Variants in MAEL observed in about 807,000 individuals in gnomAD.
The protein encoded by MAEL is maelstrom spermatogenic transposon silencer.
A neutral mutation model predicts 62.0 loss-of-function variants in MAEL; 46 were observed. The observed-to-expected ratio is 0.74, with a 90% CI of 0.59 to 0.95. The LOEUF (loss-of-function observed/expected upper bound fraction) is 0.95, where lower values mean the gene tolerates loss of function less well. Ranked by LOEUF, MAEL falls within the 40% of genes least tolerant of loss-of-function variation. MAEL has a pLI of 0.00. For missense variants in MAEL, 497 were observed against 526.8 expected (o/e 0.94, Z 0.55); for synonymous variants, 172 against 175.5 (o/e 0.98, Z 0.16).
chr1:167,004,367 CAA>C (rs1664801167), intron 6 of MAEL, 63 bp downstream of exon 6: 2 of 1,468,256 alleles, frequency 1.4e-6, no homozygotes, highest in Non-Finnish European at 1.8e-6. Flanking sequence ...ATCCATAAAA[CAA>C]AGAATTTTTG....
intron 9 of MAEL, among the ~76,000 whole-genome samples, chr1:167,017,309 C>T (rs72689338): frequency 0.011 from 1,739 of 152,194 alleles, 19 homozygotes; most frequent in Non-Finnish European, 0.017. Context: ...TTTTGTACAT[C>T]ATATTACTTT....
chr1:167,016,124 C>A (rs562153267), intron 8 of MAEL, 98 bp from the exon 9 acceptor site: 66 of 1,061,800 alleles, frequency 6.2e-5, no homozygotes, highest in Middle Eastern at 5.0e-4. Context: ...CTTCAAGTAA[C>A]CTCATTTTTT....
intron 10 of MAEL, among the ~76,000 whole-genome samples, chr1:167,020,865 T>TA (rs113141427): frequency 2.0e-5 from 3 of 150,574 alleles, no homozygotes; most frequent in Non-Finnish European, 4.4e-5. Context: ...ATCTCACTTT[T>TA]AAAAAAAAAG....
At chr1:167,004,444 T>A in intron 6 of MAEL, 140 bp downstream of exon 6, 1 of 744,970 alleles carries the variant, frequency 1.3e-6, no homozygotes, top group Non-Finnish European at 2.0e-6. Context: ...GTTTTGAATG[T>A]AATTAGGTAT....
At chr1:167,001,920 T>C (rs1664686496) in intron 5 of MAEL, among the ~76,000 whole-genome samples, 1 of 152,178 alleles carries the variant, frequency 6.6e-6, no homozygotes, top group Non-Finnish European at 1.5e-5. Context: ...TAGCTGGAAT[T>C]ATAGGTGCAC....
At chr1:167,008,341 A>T (rs1313122161) in intron 8 of MAEL, among the ~76,000 whole-genome samples, 1 of 152,062 alleles carries the variant, frequency 6.6e-6, no homozygotes, top group Non-Finnish European at 1.5e-5. Flanking sequence ...TTAATGGGGT[A>T]AATTTTGGTA....
At chr1:167,007,185 A>G (rs1369624063) in intron 8 of MAEL, among the ~76,000 whole-genome samples, 1 of 150,392 alleles carries the variant, frequency 6.6e-6, no homozygotes, top group South Asian at 2.1e-4. Context: ...TTTCATTTAT[A>G]TGAGCATGGA....
chr1:166,977,927 G>C (rs1295988500), intron 1 of MAEL, among the ~76,000 whole-genome samples: 1 of 151,296 alleles, frequency 6.6e-6, no homozygotes, highest in Non-Finnish European at 1.5e-5. Context: ...CTCCAGCCTG[G>C]GTGACAGAGT....
intron 5 of MAEL, among the ~76,000 whole-genome samples, chr1:166,995,203 G>C (rs1239960411): frequency 2.0e-5 from 3 of 151,890 alleles, no homozygotes; most frequent in Non-Finnish European, 4.4e-5. Flanking sequence ...GTAGGCTATG[G>C]AATAAGAAAT....
At chr1:167,016,140 A>G (rs1436243295) in intron 8 of MAEL, 82 bp from the exon 9 acceptor site, 3 of 1,239,190 alleles carry the variant, frequency 2.4e-6, no homozygotes, top group South Asian at 2.4e-5. Flanking sequence ...TTTTTAAAAG[A>G]TTTCAGATAG....
intron 6 of MAEL, 113 bp from the exon 7 acceptor site, chr1:167,004,963 G>T: frequency 3.4e-6 from 3 of 890,852 alleles, no homozygotes; most frequent in South Asian, 3.4e-5. Context: ...TTTCTCCTGT[G>T]CCCCCTACCT....
intron 5 of MAEL, among the ~76,000 whole-genome samples, chr1:167,002,139 G>T (rs888048825): frequency 6.6e-6 from 1 of 152,062 alleles, no homozygotes; most frequent in Non-Finnish European, 1.5e-5. Flanking sequence ...ACCCAGTGTG[G>T]TCACTATATA....
chr1:167,002,162 T>C (rs1462001592), intron 5 of MAEL, among the ~76,000 whole-genome samples: 1 of 152,244 alleles, frequency 6.6e-6, no homozygotes, highest in Non-Finnish European at 1.5e-5. Context: ...TTACATATAA[T>C]ATACCGAGTT....
intron 8 of MAEL, among the ~76,000 whole-genome samples, chr1:167,006,624 TA>T (rs1557982480): frequency 0.011 from 1,133 of 98,904 alleles, 36 homozygotes; most frequent in African/African-American, 0.045. Flanking sequence ...TATATATATA[TA>T]TATATATATA....
chr1:167,007,557 T>TTGTGTGTG (rs71073634), intron 8 of MAEL, among the ~76,000 whole-genome samples: 63 of 128,472 alleles, frequency 4.9e-4, no homozygotes, highest in Admixed American at 1.7e-3. Context: ...AAATATATGT[T>TTGTGTGTG]TGTGTGTGTG....
chr1:167,013,481 C>T (rs889527347), intron 8 of MAEL, among the ~76,000 whole-genome samples: 1 of 152,130 alleles, frequency 6.6e-6, no homozygotes, highest in African/African-American at 2.4e-5. Flanking sequence ...AACTGGGATT[C>T]TGGATGTAAT....
At chr1:167,001,440 C>G (rs754613060) in intron 5 of MAEL, among the ~76,000 whole-genome samples, 1 of 152,132 alleles carries the variant, frequency 6.6e-6, no homozygotes, top group Non-Finnish European at 1.5e-5. Context: ...AAAGATCTTT[C>G]GCCAGCAAAA....
chr1:166,983,598 A>G (rs1385287882), intron 1 of MAEL, among the ~76,000 whole-genome samples: 1 of 152,166 alleles, frequency 6.6e-6, no homozygotes, highest in Non-Finnish European at 1.5e-5. Flanking sequence ...ATTTCAACCC[A>G]AACCTGCCAC....
At chr1:167,005,227 G>T (rs1043443402) in intron 7 of MAEL, 29 bp from the exon 8 acceptor site, 3 of 1,611,434 alleles carry the variant, frequency 1.9e-6, no homozygotes, top group South Asian at 2.2e-5. Flanking sequence ...TTTACTAATT[G>T]TATGTGTTTT....
Sources: gnomAD v4.1 joint callset for allele counts (sites outside exome capture counted in the v4.1 genomes callset) on GRCh38, gnomAD v4.1.1 for gene constraint, MANE v1.5 for transcripts, NCBI Gene and HGNC (gene_info 2026-07-23, HGNC 2026-07-21) for gene names.